Variants in CNTN4 observed in about 807,000 individuals in gnomAD.
CNTN4 encodes the protein contactin 4.
A neutral mutation model predicts 122.5 loss-of-function variants in CNTN4; 77 were observed. The observed-to-expected ratio is 0.63, with a 90% CI of 0.52 to 0.76. CNTN4 has a LOEUF of 0.76. Ranked by LOEUF, CNTN4 falls within the 30% of genes least tolerant of loss-of-function variation. The probability of loss-of-function intolerance (pLI) is 0.00; values close to 1 mark genes in which losing one functional copy is unlikely to be tolerated. For synonymous variants in CNTN4, 512 were observed against 447.0 expected, an observed-to-expected ratio of 1.15 and a Z score of -1.83; for missense variants, 1,256 against 1,259.1, an observed-to-expected ratio of 1.00 and a Z score of 0.04.
At chr3:2,813,742 G>A (rs944574636) in intron 6 of CNTN4, among the ~76,000 whole-genome samples, 1 of 151,910 alleles carries the variant, frequency 6.6e-6, no homozygotes, top group African/African-American at 2.4e-5. Flanking sequence ...ATATCCTCTA[G>A]ACTATAATCA....
intron 3 of CNTN4, among the ~76,000 whole-genome samples, chr3:2,375,633 T>C (rs1280188279): frequency 3.9e-5 from 6 of 152,172 alleles, no homozygotes. Flanking sequence ...AAAAAGCAAC[T>C]CATCTTCCCA....
At chr3:2,568,087 G>T (rs922387310) in intron 3 of CNTN4, among the ~76,000 whole-genome samples, 15 of 151,780 alleles carry the variant, frequency 9.9e-5, no homozygotes, top group African/African-American at 3.6e-4. Context: ...TTTTTTTGTT[G>T]AGCTGAATTA....
chr3:2,364,726 A>G (rs2045305076), intron 3 of CNTN4, among the ~76,000 whole-genome samples: 2 of 152,190 alleles, frequency 1.3e-5, no homozygotes, highest in Non-Finnish European at 2.9e-5. Context: ...GGCCCAATGA[A>G]TCTAGTTTCC....
At chr3:2,489,840 T>C (rs938792904) in intron 3 of CNTN4, among the ~76,000 whole-genome samples, 11 of 152,208 alleles carry the variant, frequency 7.2e-5, no homozygotes, top group African/African-American at 2.7e-4. Flanking sequence ...TTTTATTCAA[T>C]TTCTCTAAAG....
At chr3:2,381,082 T>C (rs1002564798) in intron 3 of CNTN4, among the ~76,000 whole-genome samples, 2 of 151,994 alleles carry the variant, frequency 1.3e-5, no homozygotes, top group Admixed American at 1.3e-4. Flanking sequence ...CTCGGCTCAC[T>C]GCAACCTCTG....
At chr3:2,575,809 C>CTTTTT (rs56303805) in intron 4 of CNTN4, among the ~76,000 whole-genome samples, 17 of 101,248 alleles carry the variant, frequency 1.7e-4, no homozygotes, top group African/African-American at 3.7e-4. Flanking sequence ...TCTTCTTCTT[C>CTTTTT]TTTTTTTTTT....
intron 3 of CNTN4, among the ~76,000 whole-genome samples, chr3:2,408,332 C>T (rs898909914): frequency 6.6e-6 from 1 of 152,306 alleles, no homozygotes; most frequent in South Asian, 2.1e-4. Flanking sequence ...GGAGGCCTGT[C>T]TGCCGCCTTC....
chr3:2,834,566 C>CA (rs1326665944), intron 7 of CNTN4, among the ~76,000 whole-genome samples: 64 of 151,976 alleles, frequency 4.2e-4, no homozygotes, highest in Non-Finnish European at 5.9e-5. Flanking sequence ...GACTCCATCT[C>CA]AAAAAACAAA....
chr3:2,478,744 C>A (rs1454379257), intron 3 of CNTN4, among the ~76,000 whole-genome samples: 1 of 152,100 alleles, frequency 6.6e-6, no homozygotes, highest in Non-Finnish European at 1.5e-5. Context: ...CCATCCATGT[C>A]CCTGCAAAGG....
At chr3:2,256,208 C>T (rs1473019689) in intron 2 of CNTN4, among the ~76,000 whole-genome samples, 1 of 152,064 alleles carries the variant, frequency 6.6e-6, no homozygotes, top group African/African-American at 2.4e-5. Flanking sequence ...GTATAAATTC[C>T]TGGACACATA....
chr3:2,598,093 C>T (rs2080857651), intron 4 of CNTN4, among the ~76,000 whole-genome samples: 1 of 152,184 alleles, frequency 6.6e-6, no homozygotes, highest in Non-Finnish European at 1.5e-5. Flanking sequence ...TTGCAGCACA[C>T]TGTGAATTCA....
intron 4 of CNTN4, among the ~76,000 whole-genome samples, chr3:2,656,218 A>G (rs1462706565): frequency 6.6e-6 from 1 of 152,238 alleles, no homozygotes; most frequent in Non-Finnish European, 1.5e-5. Context: ...ATGATAGTAA[A>G]TGAAGGTACA....
intron 8 of CNTN4, among the ~76,000 whole-genome samples, chr3:2,876,089 A>G (rs745844377): frequency 7.2e-5 from 11 of 152,196 alleles, no homozygotes; most frequent in African/African-American, 2.7e-4. Context: ...ATTTATTTTC[A>G]TCTCTCACAG....
chr3:2,873,236 TTTC>T (rs1191131735), intron 8 of CNTN4, among the ~76,000 whole-genome samples: 1 of 152,194 alleles, frequency 6.6e-6, no homozygotes, highest in African/African-American at 2.4e-5. Flanking sequence ...CTATCTAAAG[TTTC>T]TTCTTCTTGT....
intron 2 of CNTN4, among the ~76,000 whole-genome samples, chr3:2,170,089 A>G (rs539367417): frequency 1.3e-5 from 2 of 151,754 alleles, no homozygotes; most frequent in Non-Finnish European, 2.9e-5. Flanking sequence ...TGGGAGGCCG[A>G]GGCGGGAGGA....
intron 2 of CNTN4, among the ~76,000 whole-genome samples, chr3:2,127,692 A>G (rs1302412850): frequency 6.6e-6 from 1 of 152,168 alleles, no homozygotes; most frequent in Non-Finnish European, 1.5e-5. Flanking sequence ...TGCCAATTTC[A>G]ATTTAGCTGC....
chr3:2,816,829 A>G (rs2150209881), intron 6 of CNTN4, among the ~76,000 whole-genome samples: 1 of 150,700 alleles, frequency 6.6e-6, no homozygotes, highest in South Asian at 2.1e-4. Flanking sequence ...CCAAAAAAAA[A>G]AAAAAAAAAA....
chr3:2,417,712 C>T (rs1164171910), intron 3 of CNTN4, among the ~76,000 whole-genome samples: 1 of 152,082 alleles, frequency 6.6e-6, no homozygotes, highest in Non-Finnish European at 1.5e-5. Context: ...TCACAATTGC[C>T]AAAACTTGGA....
chr3:2,378,292 C>T (rs143086606), intron 3 of CNTN4, among the ~76,000 whole-genome samples: 7 of 152,324 alleles, frequency 4.6e-5, no homozygotes, highest in African/African-American at 1.7e-4. Flanking sequence ...CAGTATGGGC[C>T]TTCCCAAATT....
Sources: gnomAD v4.1 joint callset for allele counts (sites outside exome capture counted in the v4.1 genomes callset) on GRCh38, gnomAD v4.1.1 for gene constraint, MANE v1.5 for transcripts, NCBI Gene and HGNC (gene_info 2026-07-23, HGNC 2026-07-21) for gene names.